The following ZNF385B variants were observed in gnomAD, a reference collection of about 807,000 sequenced individuals.
ZNF385B encodes the protein zinc finger protein 385B.
ZNF385B carries 23 observed loss-of-function variants against 39.2 expected under a neutral mutation model. The ratio of observed to expected loss-of-function variants is 0.59; its 90% CI spans 0.42 to 0.83. ZNF385B has a LOEUF of 0.83. Ranked by LOEUF, ZNF385B falls within the 40% of genes least tolerant of loss-of-function variation. The pLI is 0.00. For synonymous variants in ZNF385B, 205 were observed against 222.6 expected (o/e 0.92, Z 0.70); for missense variants, 552 against 598.9 (o/e 0.92, Z 0.82).
rs183802011 is a variant in ZNF385B, at chr2:179,524,476, T to C, written c.442-5838A>G. 8.4e-4 allele frequency among the ~76,000 whole-genome samples: 112 copies of C among 132,602 alleles called. 2 individuals carry two copies. The highest frequency in any genetic ancestry group is 4.9e-3 in the South Asian group (20 of 4,106). The allele number at this position is 132,602 out of a possible 152,430, so 87.0% of individuals were successfully genotyped here. On this transcript the variant is annotated intron_variant, in intron 4 of 9. Transcript: ENST00000410066. Reference sequence around the variant, plus strand: ...CTGAGGCAGGAGAATGACGTGAACCTGGGAGGCAGAGCTTGCAGTGAGCCG... The same window carrying C: ...CTGAGGCAGGAGAATGACGTGAACCCGGGAGGCAGAGCTTGCAGTGAGCCG...
intron 1 of ZNF385B, among the ~76,000 whole-genome samples, chr2:179,815,003 T>C (rs1706973495): frequency 6.6e-6 from 1 of 152,258 alleles, no homozygotes; most frequent in Admixed American, 6.5e-5. Flanking sequence ...TCTTCATTCT[T>C]CATTCCCTTA....
chr2:179,470,235 T>C (rs926970481), intron 6 of ZNF385B, among the ~76,000 whole-genome samples: 1 of 152,188 alleles, frequency 6.6e-6, no homozygotes, highest in African/African-American at 2.4e-5. Flanking sequence ...TCCATCCCAC[T>C]TTGAATGGAT....
chr2:179,658,208 C>T (rs1358899247), intron 3 of ZNF385B, among the ~76,000 whole-genome samples: 6 of 152,132 alleles, frequency 3.9e-5, no homozygotes, highest in Admixed American at 3.9e-4. Context: ...AAATGATAAA[C>T]AAAATGGTGA....
intron 3 of ZNF385B, among the ~76,000 whole-genome samples, chr2:179,649,172 T>C (rs1692995718): frequency 6.6e-6 from 1 of 152,114 alleles, no homozygotes; most frequent in Admixed American, 6.5e-5. Flanking sequence ...GCAGTAATTT[T>C]CAAGAGTCAA....
intron 1 of ZNF385B, among the ~76,000 whole-genome samples, chr2:179,839,030 G>A (rs940756705): frequency 6.6e-6 from 1 of 151,898 alleles, no homozygotes; most frequent in Admixed American, 6.6e-5. Context: ...CCTATAAACA[G>A]TCTGAAGGAG....
At chr2:179,457,753 A>G (rs1442368536) in intron 6 of ZNF385B, among the ~76,000 whole-genome samples, 1 of 152,048 alleles carries the variant, frequency 6.6e-6, no homozygotes, top group East Asian at 1.9e-4. Context: ...GATTTATAGG[A>G]AGTCTTTAAA....
intron 5 of ZNF385B, among the ~76,000 whole-genome samples, chr2:179,486,576 G>A (rs2054590025): frequency 6.6e-6 from 1 of 152,122 alleles, no homozygotes; most frequent in Non-Finnish European, 1.5e-5. Context: ...TAATTCATGG[G>A]AAATATGCTA....
At chr2:179,627,893 T>A (rs1363396014) in intron 3 of ZNF385B, among the ~76,000 whole-genome samples, 1 of 152,176 alleles carries the variant, frequency 6.6e-6, no homozygotes, top group Non-Finnish European at 1.5e-5. Flanking sequence ...TTTCTATGTC[T>A]CTTTGCCTAC....
intron 3 of ZNF385B, among the ~76,000 whole-genome samples, chr2:179,588,182 G>C (rs1056381126): frequency 6.6e-6 from 1 of 152,036 alleles, no homozygotes; most frequent in South Asian, 2.1e-4. Flanking sequence ...TCCGCCTCCT[G>C]GGTTCACGCC....
intron 3 of ZNF385B, among the ~76,000 whole-genome samples, chr2:179,609,169 C>T (rs963506093): frequency 3.3e-5 from 5 of 151,968 alleles, no homozygotes; most frequent in Admixed American, 1.3e-4. Flanking sequence ...TTCATTCTAT[C>T]TAACTACATT....
chr2:179,624,707 G>C (rs1690505109), intron 3 of ZNF385B, among the ~76,000 whole-genome samples: 3 of 152,192 alleles, frequency 2.0e-5, no homozygotes, highest in African/African-American at 7.2e-5. Flanking sequence ...TCTTTGTGTG[G>C]AGGTAGAATT....
chr2:179,453,514 G>C (rs1383336483), intron 6 of ZNF385B, among the ~76,000 whole-genome samples: 1 of 152,146 alleles, frequency 6.6e-6, no homozygotes, highest in African/African-American at 2.4e-5. Flanking sequence ...AATAAAGCTA[G>C]AAATGGAGGT....
intron 3 of ZNF385B, among the ~76,000 whole-genome samples, chr2:179,711,808 A>T (rs1700014246): frequency 6.6e-6 from 1 of 151,842 alleles, no homozygotes; most frequent in Admixed American, 6.6e-5. Flanking sequence ...CAAAAATGCT[A>T]TATAAACTGC....
chr2:179,493,794 CAT>C (rs1461213481), intron 5 of ZNF385B, among the ~76,000 whole-genome samples: 1,237 of 95,554 alleles, frequency 0.013, 1 homozygote, highest in Middle Eastern at 0.025. Context: ...CATATGTATA[CAT>C]ATATGTATAT....
chr2:179,760,071 C>T (rs542481200), intron 3 of ZNF385B, among the ~76,000 whole-genome samples: 24 of 142,452 alleles, frequency 1.7e-4, no homozygotes, highest in South Asian at 4.4e-4. Context: ...TTTTTTGAGA[C>T]GGAGTCTCAC....
At chr2:179,655,353 T>G (rs1693632523) in intron 3 of ZNF385B, among the ~76,000 whole-genome samples, 1 of 152,100 alleles carries the variant, frequency 6.6e-6, no homozygotes, top group Non-Finnish European at 1.5e-5. Context: ...GAAAAGGCAA[T>G]GGAAAATATA....
intron 3 of ZNF385B, among the ~76,000 whole-genome samples, chr2:179,747,927 T>A (rs958462616): frequency 5.9e-5 from 9 of 152,138 alleles, no homozygotes; most frequent in African/African-American, 2.2e-4. Flanking sequence ...TAATTTAAGC[T>A]CACATTAGTT....
intron 3 of ZNF385B, among the ~76,000 whole-genome samples, chr2:179,583,006 C>T (rs1686707226): frequency 6.6e-6 from 1 of 152,156 alleles, no homozygotes; most frequent in South Asian, 2.1e-4. Flanking sequence ...TGAGCCATCT[C>T]GCCTGGCTAA....
intron 3 of ZNF385B, among the ~76,000 whole-genome samples, chr2:179,693,224 A>G (rs907081935): frequency 6.6e-6 from 1 of 152,154 alleles, no homozygotes; most frequent in Non-Finnish European, 1.5e-5. Flanking sequence ...GATAACGCAC[A>G]CTCATTTAAA....
Sources: allele counts gnomAD v4.1 joint callset (sites outside exome capture counted in the v4.1 genomes callset), GRCh38; gene constraint gnomAD v4.1.1; transcripts MANE v1.5; gene names NCBI Gene and HGNC (gene_info 2026-07-23, HGNC 2026-07-21).